Variants in ZDHHC14 observed in about 807,000 individuals in gnomAD.
ZDHHC14 encodes palmitoyltransferase ZDHHC14.
Under a neutral mutation model 47.7 loss-of-function variants are expected in ZDHHC14, and 16 were observed. That is an observed-to-expected ratio of 0.34 (90% CI 0.23 to 0.51). The LOEUF is 0.51. ZDHHC14 is among the 20% of genes least tolerant of loss of function. ZDHHC14 has a pLI of 0.97. For missense variants in ZDHHC14, 515 were observed against 662.5 expected (o/e 0.78, Z 2.44); for synonymous variants, 293 against 278.9 (o/e 1.05, Z -0.50).
At position 157,499,847 on chromosome 6, in the gene ZDHHC14, T is replaced by C. The variant is rs144080023; in HGVS notation, c.246-42738T>C. On this transcript the variant is annotated intron_variant, in intron 1 of 8. Transcript: ENST00000359775. Reference sequence around the variant, plus strand: ...CTTCAGCTCACAGGAGACAAATCGATTGATTGATTCATTCATTCATTCAAC... The same window carrying C: ...CTTCAGCTCACAGGAGACAAATCGACTGATTGATTCATTCATTCATTCAAC... Among the ~76,000 whole-genome samples the C allele has an allele frequency of 7.9e-4, 120 of 152,332 alleles. 4 individuals carry two copies. Among genetic ancestry groups the C allele is most frequent in the African/African-American group, 2.8e-3 (115 of 41,578 alleles).
chr6:157,464,050 T>A (rs974033655), intron 1 of ZDHHC14, among the ~76,000 whole-genome samples: 5 of 152,042 alleles, frequency 3.3e-5, no homozygotes, highest in Admixed American at 6.6e-5. Flanking sequence ...ATAAAATAAA[T>A]TAACACTAAT....
At chr6:157,441,563 G>A (rs1271066686) in intron 1 of ZDHHC14, among the ~76,000 whole-genome samples, 1 of 152,204 alleles carries the variant, frequency 6.6e-6, no homozygotes, top group East Asian at 1.9e-4. Flanking sequence ...ATCTGGCCAG[G>A]CACGGTGGCT....
intron 2 of ZDHHC14, among the ~76,000 whole-genome samples, chr6:157,548,096 C>A (rs904509020): frequency 1.3e-5 from 2 of 148,948 alleles, no homozygotes; most frequent in African/African-American, 2.6e-5. Flanking sequence ...TGAATATACA[C>A]CCCTCCCCAA....
chr6:157,607,550 T>A (rs1434269827), intron 3 of ZDHHC14, among the ~76,000 whole-genome samples: 2 of 151,722 alleles, frequency 1.3e-5, no homozygotes, highest in East Asian at 3.9e-4. Context: ...TGGCCTGGGG[T>A]TTTCTGTGAG....
chr6:157,595,755 C>G (rs147641242), intron 3 of ZDHHC14, among the ~76,000 whole-genome samples: 1 of 152,162 alleles, frequency 6.6e-6, no homozygotes, highest in Non-Finnish European at 1.5e-5. Context: ...CTCTCCTGTG[C>G]ACTCTACCAG....
chr6:157,440,427 G>C (rs1360411358), intron 1 of ZDHHC14, among the ~76,000 whole-genome samples: 2 of 152,110 alleles, frequency 1.3e-5, no homozygotes, highest in Non-Finnish European at 2.9e-5. Flanking sequence ...TGAGGACATA[G>C]AGAAACTAGA....
intron 1 of ZDHHC14, among the ~76,000 whole-genome samples, chr6:157,539,705 A>C (rs1455738939): frequency 3.3e-5 from 5 of 152,064 alleles, no homozygotes; most frequent in South Asian, 4.2e-4. Flanking sequence ...TTGTAACAGA[A>C]CTCTTCCTGT....
At chr6:157,395,471 G>A (rs1025189988) in intron 1 of ZDHHC14, among the ~76,000 whole-genome samples, 2 of 151,356 alleles carry the variant, frequency 1.3e-5, no homozygotes, top group African/African-American at 2.4e-5. Flanking sequence ...TAGCCTTTCC[G>A]TCTCTATTGT....
intron 1 of ZDHHC14, among the ~76,000 whole-genome samples, chr6:157,495,695 ATTTT>A (rs71027341): frequency 3.8e-5 from 4 of 104,344 alleles, no homozygotes; most frequent in African/African-American, 7.2e-5. Flanking sequence ...TTCGGGTTGA[ATTTT>A]TTTTTTTTTT....
At chr6:157,659,679 A>G (rs1014106297) in intron 8 of ZDHHC14, among the ~76,000 whole-genome samples, 1 of 152,212 alleles carries the variant, frequency 6.6e-6, no homozygotes, top group Non-Finnish European at 1.5e-5. Flanking sequence ...ATAGACATCC[A>G]GGGCACCCAC....
chr6:157,593,107 C>T lies in ZDHHC14; in HGVS notation c.526C>T (p.Pro176Ser). 1 of 1,614,054 alleles carries T rather than the reference C, an allele frequency of 6.2e-7. No individual in the cohort carries two copies. Among genetic ancestry groups the T allele is most frequent in the Non-Finnish European group, 8.5e-7 (1 of 1,179,928 alleles). Residue 176 changes from proline (P) to serine (S), a missense_variant, in exon 3 of 9, where the codon CCT becomes TCT. By Grantham distance (74) the Pro-to-Ser change is moderately conservative (BLOSUM62 -1). Around this residue, in one of 4 missense-constraint regions of ZDHHC14, gnomAD observed 229 missense variants for 351.5 expected, o/e 0.65. Coordinates refer to ENST00000359775, the MANE Select transcript of ZDHHC14 (RefSeq NM_024630.3). ...TTTCACCTGCAAGATTTTCCGGCCCCCTCGCGCCTCCCATTGCAGCCTTTG... is the reference window on the plus strand; with the variant it reads ...TTTCACCTGCAAGATTTTCCGGCCCTCTCGCGCCTCCCATTGCAGCCTTTG... ...YCFTCKIFRP[P>S]RASHCSLCDN...
At chr6:157,422,235 G>T (rs143124625) in intron 1 of ZDHHC14, among the ~76,000 whole-genome samples, 6 of 152,248 alleles carry the variant, frequency 3.9e-5, no homozygotes, top group East Asian at 3.9e-4. Context: ...GTGGATTGAG[G>T]GTGGGATGTC....
intron 5 of ZDHHC14, among the ~76,000 whole-genome samples, chr6:157,642,321 AT>A (rs1169698824): frequency 7.9e-5 from 12 of 152,122 alleles, no homozygotes; most frequent in Non-Finnish European, 1.8e-4. Flanking sequence ...CAGAGCCCCT[AT>A]TCCCTTAGGG....
chr6:157,632,562 A>G, intron 4 of ZDHHC14: 1 of 506,174 alleles, frequency 2.0e-6, no homozygotes, highest in Non-Finnish European at 3.6e-6. Flanking sequence ...AGTCATCAGA[A>G]CTATAATTTA....
At chr6:157,571,552 C>T (rs560854159) in intron 2 of ZDHHC14, among the ~76,000 whole-genome samples, 20 of 152,264 alleles carry the variant, frequency 1.3e-4, no homozygotes, top group Non-Finnish European at 2.5e-4. Context: ...CTTTGGGTGA[C>T]GGGAGCATCT....
At chr6:157,560,405 G>A (rs569924326) in intron 2 of ZDHHC14, among the ~76,000 whole-genome samples, 149 of 152,140 alleles carry the variant, frequency 9.8e-4, no homozygotes, top group African/African-American at 3.3e-3. Context: ...TAAACGCCAC[G>A]TTGTTAGAAC....
chr6:157,595,251 G>A (rs1784081886), intron 3 of ZDHHC14, among the ~76,000 whole-genome samples: 1 of 125,200 alleles, frequency 8.0e-6, no homozygotes, highest in Admixed American at 9.7e-5. Flanking sequence ...GGAGTGCAGT[G>A]GCATGATCTC....
chr6:157,640,067 G>A (rs946466669), intron 5 of ZDHHC14, among the ~76,000 whole-genome samples: 3 of 152,180 alleles, frequency 2.0e-5, no homozygotes, highest in South Asian at 2.1e-4. Context: ...TGGCTTCTCC[G>A]ATTCGCGGAG....
intron 1 of ZDHHC14, among the ~76,000 whole-genome samples, chr6:157,419,647 C>G (rs1232410726): frequency 6.6e-6 from 1 of 152,188 alleles, no homozygotes. Context: ...TAGCTCATTT[C>G]TTTGTATTGC....
Sources: gnomAD v4.1 joint callset for allele counts (sites outside exome capture counted in the v4.1 genomes callset) on GRCh38, gnomAD v4.1.1 for gene constraint, gnomAD v4.1.1 regional missense constraint, MANE v1.5 for transcripts, NCBI Gene and HGNC (gene_info 2026-07-23, HGNC 2026-07-21) for gene names.